LRRC40: variants seen among roughly 807,000 people sequenced by gnomAD.
LRRC40 encodes the protein leucine rich repeat containing 40.
Under a neutral mutation model 72.8 loss-of-function variants are expected in LRRC40, and 76 were observed. That is an observed-to-expected ratio of 1.04 (90% CI 0.87 to 1.26). The LOEUF (loss-of-function observed/expected upper bound fraction) is 1.26, where lower values mean the gene tolerates loss of function less well. LRRC40 is among the 50% of genes most tolerant of loss of function. The pLI is 0.00. For missense variants in LRRC40, 684 were observed against 698.9 expected (o/e 0.98, Z 0.24); for synonymous variants, 243 against 254.2 (o/e 0.96, Z 0.42).
At chr1:70,202,961 G>C (rs1438714213) in intron 1 of LRRC40, among the ~76,000 whole-genome samples, 1 of 152,160 alleles carries the variant, frequency 6.6e-6, no homozygotes, top group Non-Finnish European at 1.5e-5. Flanking sequence ...CACAATCACA[G>C]CACCCACTGC....
chr1:70,200,886 T>C (rs191978358), intron 1 of LRRC40, among the ~76,000 whole-genome samples: 1 of 152,304 alleles, frequency 6.6e-6, no homozygotes, highest in East Asian at 1.9e-4. Context: ...TAAAGTATCT[T>C]TTGGCCTGGG....
intron 10 of LRRC40, among the ~76,000 whole-genome samples, chr1:70,157,806 T>C (rs1368068889): frequency 1.3e-5 from 2 of 152,046 alleles, no homozygotes; most frequent in Admixed American, 6.6e-5. Context: ...ATTTGGAAGA[T>C]AAGATATGCT....
intron 7 of LRRC40, 38 bp downstream of exon 7, chr1:70,175,772 A>G: frequency 2.9e-6 from 4 of 1,392,402 alleles, no homozygotes; most frequent in Non-Finnish European, 3.9e-6. Context: ...ATAACCAAAT[A>G]CAAACACAAT....
intron 1 of LRRC40, 97 bp from the exon 2 acceptor site, chr1:70,189,370 C>A (rs1668443178): frequency 1.5e-5 from 14 of 960,222 alleles, no homozygotes; most frequent in Middle Eastern, 2.3e-4. Flanking sequence ...AATAGCCATT[C>A]CATTTATCTA....
chr1:70,184,818 C>T lies in LRRC40; in HGVS notation c.504G>A (p.Glu168=), dbSNP rs376593632. The T allele has an allele frequency of 1.1e-5, 18 of 1,609,606 alleles. No individual in the cohort carries two copies. In the African/African-American group the frequency reaches 2.4e-4, roughly 22 times the overall value. The part of the protein sequence containing the change: ...LQHNELTCIS[E]GFEQLSNLED... ...CTAAATTGGAAAGTTGTTCAAATCC[C>T]TCTGATATGCAGGTTAATTCATTAT... is the stretch of plus-strand genomic sequence containing the variant. Residue 168 remains glutamate (E), a synonymous_variant, in exon 4 of 15, where the codon GAG becomes GAA. Transcript: ENST00000370952.
At chr1:70,199,160 A>C (rs1668678627) in intron 1 of LRRC40, among the ~76,000 whole-genome samples, 1 of 151,878 alleles carries the variant, frequency 6.6e-6, no homozygotes, top group Middle Eastern at 3.2e-3. Flanking sequence ...CTCAATCAAT[A>C]AATAAACTAA....
intron 9 of LRRC40, among the ~76,000 whole-genome samples, chr1:70,160,234 C>A (rs1309945531): frequency 6.6e-6 from 1 of 152,000 alleles, no homozygotes; most frequent in Non-Finnish European, 1.5e-5. Flanking sequence ...AGAAGGCACG[C>A]CAAAAGAAAA....
At chr1:70,174,319 A>G (rs1441246275) in intron 7 of LRRC40, among the ~76,000 whole-genome samples, 2 of 152,112 alleles carry the variant, frequency 1.3e-5, no homozygotes, top group African/African-American at 4.8e-5. Flanking sequence ...CATACAGCTA[A>G]CTAAAATATA....
chr1:70,190,419 G>C (rs1036109509), intron 1 of LRRC40, among the ~76,000 whole-genome samples: 4 of 151,684 alleles, frequency 2.6e-5, no homozygotes, highest in Non-Finnish European at 5.9e-5. Context: ...AGTGCCTCAG[G>C]GCTATAATCC....
intron 9 of LRRC40, among the ~76,000 whole-genome samples, chr1:70,168,178 C>T (rs1207543526): frequency 1.3e-5 from 2 of 152,164 alleles, no homozygotes; most frequent in Non-Finnish European, 2.9e-5. Context: ...ATTTCTCATC[C>T]TGCCACCAGC....
Position 70,152,362 on chromosome 1 carries a change from G to T in LRRC40, c.1439+71C>A. ...TACCTAGGAAAATATGAGGTAAAAA[G>T]AATAAGTTAGACAAAACTCAAAGAC... On this transcript the variant is annotated intron_variant, in intron 12 of 14. Coordinates refer to ENST00000370952, the MANE Select transcript of LRRC40 (RefSeq NM_017768.5). 3.8e-6 allele frequency: 3 copies of T among 798,004 alleles called. No individual in the cohort carries two copies. In the South Asian group the frequency reaches 4.9e-5, roughly 13 times the overall value. The allele number at this position is 798,004 out of a possible 1,614,324, so 49.4% of individuals were successfully genotyped here.
intron 4 of LRRC40, among the ~76,000 whole-genome samples, chr1:70,181,951 A>G (rs763487089): frequency 3.9e-5 from 6 of 152,028 alleles, no homozygotes; most frequent in Non-Finnish European, 8.8e-5. Flanking sequence ...TTGCTCCACT[A>G]CATAACAGCA....
At chr1:70,160,229 G>T (rs1181970899) in intron 9 of LRRC40, among the ~76,000 whole-genome samples, 1 of 152,066 alleles carries the variant, frequency 6.6e-6, no homozygotes, top group Non-Finnish European at 1.5e-5. Flanking sequence ...AGAGCAGAAG[G>T]CACGCCAAAA....
At chr1:70,191,729 C>G (rs1384795552) in intron 1 of LRRC40, among the ~76,000 whole-genome samples, 1 of 152,088 alleles carries the variant, frequency 6.6e-6, no homozygotes, top group Non-Finnish European at 1.5e-5. Context: ...TTAAGAAATT[C>G]TGTGGAGCTA....
At chr1:70,157,314 T>G (rs1667660140) in intron 10 of LRRC40, among the ~76,000 whole-genome samples, 1 of 152,192 alleles carries the variant, frequency 6.6e-6, no homozygotes, top group Non-Finnish European at 1.5e-5. Context: ...TAGTCAGACT[T>G]AAAAGATTCA....
chr1:70,163,573 A>C (rs1256432084), intron 9 of LRRC40, among the ~76,000 whole-genome samples: 1 of 152,150 alleles, frequency 6.6e-6, no homozygotes, highest in Non-Finnish European at 1.5e-5. Flanking sequence ...TTGTGATTAT[A>C]TTGGGCCAAC....
At chr1:70,178,483 G>C (rs909538444) in intron 6 of LRRC40, among the ~76,000 whole-genome samples, 1 of 152,072 alleles carries the variant, frequency 6.6e-6, no homozygotes, top group African/African-American at 2.4e-5. Context: ...AAACATACTT[G>C]ATTATGATTA....
intron 11 of LRRC40, among the ~76,000 whole-genome samples, chr1:70,155,327 T>C (rs1224002231): frequency 1.3e-5 from 2 of 152,188 alleles, no homozygotes; most frequent in South Asian, 2.1e-4. Flanking sequence ...GACCTGATGT[T>C]AGACAGTCTC....
At chr1:70,158,499 C>G (rs1443099795) in intron 10 of LRRC40, among the ~76,000 whole-genome samples, 1 of 152,072 alleles carries the variant, frequency 6.6e-6, no homozygotes, top group Non-Finnish European at 1.5e-5. Context: ...GTTGTTGTTG[C>G]CTTAGACAGT....
Sources: allele counts gnomAD v4.1 joint callset (sites outside exome capture counted in the v4.1 genomes callset), GRCh38; gene constraint gnomAD v4.1.1; transcripts MANE v1.5; gene names NCBI Gene and HGNC (gene_info 2026-07-23, HGNC 2026-07-21).